Variants in TARP observed in about 807,000 individuals in gnomAD.
chr7:38,271,066 C>A, the TARP span, among the ~76,000 whole-genome samples: 1 of 150,370 alleles, frequency 6.7e-6, no homozygotes, highest in East Asian at 1.9e-4. Context: ...GGCCTTTTTC[C>A]TTCTCCTTTC....
chr7:38,268,894 C>T, the TARP span, among the ~76,000 whole-genome samples: 1 of 150,948 alleles, frequency 6.6e-6, no homozygotes, highest in South Asian at 2.1e-4. Flanking sequence ...ACATGTGAAT[C>T]CAGAAAACAT....
At chr7:38,261,106 A>C in the TARP span, among the ~76,000 whole-genome samples, 1 of 151,748 alleles carries the variant, frequency 6.6e-6, no homozygotes, top group Non-Finnish European at 1.5e-5. Flanking sequence ...TGTTGCTCAC[A>C]AAATGTAGGT....
At chr7:38,267,740 AT>A in the TARP span, among the ~76,000 whole-genome samples, 1 of 151,114 alleles carries the variant, frequency 6.6e-6, no homozygotes, top group African/African-American at 2.4e-5. Flanking sequence ...ATGTTATAAA[AT>A]ATGAGTAATT....
the TARP span, among the ~76,000 whole-genome samples, chr7:38,270,887 G>T: frequency 1.3e-4 from 19 of 150,880 alleles, no homozygotes; most frequent in African/African-American, 3.9e-4. Flanking sequence ...TCCTTCTAAA[G>T]GACTCATGCA....
the TARP span, among the ~76,000 whole-genome samples, chr7:38,264,488 G>T: frequency 8.6e-5 from 13 of 151,436 alleles, no homozygotes; most frequent in Non-Finnish European, 1.2e-4. Flanking sequence ...CCTGTCGGGA[G>T]GCTGAAGTAA....
At chr7:38,265,652 G>A in the TARP span, 2 of 1,605,350 alleles carry the variant, frequency 1.2e-6, no homozygotes, top group Non-Finnish European at 1.7e-6. Context: ...GTGGGCTTGG[G>A]GGAAACATCT....
the TARP span, among the ~76,000 whole-genome samples, chr7:38,272,649 C>T: frequency 1.3e-5 from 2 of 148,398 alleles, no homozygotes; most frequent in African/African-American, 5.0e-5. Flanking sequence ...CTATAATGAA[C>T]CAGCATTTTT....
the TARP span, among the ~76,000 whole-genome samples, chr7:38,269,029 G>A: frequency 1.3e-5 from 2 of 151,630 alleles, no homozygotes; most frequent in Non-Finnish European, 2.9e-5. Context: ...GAAAACTGAG[G>A]CCAGAGAATA....
At chr7:38,263,927 G>A in the TARP span, among the ~76,000 whole-genome samples, 1 of 151,826 alleles carries the variant, frequency 6.6e-6, no homozygotes, top group South Asian at 2.1e-4. Flanking sequence ...ACTTTAATGG[G>A]TTTTCAATGT....
the TARP span, among the ~76,000 whole-genome samples, chr7:38,271,125 G>C: frequency 6.6e-6 from 1 of 151,150 alleles, no homozygotes; most frequent in East Asian, 1.9e-4. Context: ...GACTGTGCTT[G>C]TATATTTTAA....
the TARP span, among the ~76,000 whole-genome samples, chr7:38,270,819 A>G: frequency 8.0e-4 from 121 of 150,934 alleles, no homozygotes; most frequent in Non-Finnish European, 1.3e-3. Flanking sequence ...TGGGTTTTTC[A>G]TGACCATTCC....
At chr7:38,266,808 T>C in the TARP span, among the ~76,000 whole-genome samples, 2 of 151,922 alleles carry the variant, frequency 1.3e-5, no homozygotes, top group Non-Finnish European at 2.9e-5. Flanking sequence ...TTTACAGCTG[T>C]ACCTCCAGAT....
the TARP span, chr7:38,262,218 T>C: frequency 6.2e-7 from 1 of 1,609,990 alleles, no homozygotes; most frequent in Non-Finnish European, 8.5e-7. Context: ...TGTGATGACA[T>C]CTAGAAGAAT....
the TARP span, among the ~76,000 whole-genome samples, chr7:38,262,898 A>G: frequency 1.3e-5 from 2 of 151,440 alleles, no homozygotes; most frequent in Non-Finnish European, 2.9e-5. Context: ...GACTCAAGCA[A>G]TCTTCCTGCC....
chr7:38,262,139 A>G, the TARP span: 5 of 1,592,486 alleles, frequency 3.1e-6, no homozygotes, highest in South Asian at 1.1e-5. Flanking sequence ...AAACAAAATG[A>G]TCAGGAGGAA....
At chr7:38,269,840 C>T in the TARP span, among the ~76,000 whole-genome samples, 2 of 152,002 alleles carry the variant, frequency 1.3e-5, no homozygotes, top group Admixed American at 1.3e-4. Flanking sequence ...TGGTTTGTGC[C>T]TATAATTCCA....
At chr7:38,272,472 G>C in the TARP span, among the ~76,000 whole-genome samples, 1 of 141,012 alleles carries the variant, frequency 7.1e-6, no homozygotes, top group East Asian at 2.0e-4. Flanking sequence ...AGTGTGAAGT[G>C]AAAAAGCCAG....
At chr7:38,264,108 T>C in the TARP span, among the ~76,000 whole-genome samples, 1 of 151,968 alleles carries the variant, frequency 6.6e-6, no homozygotes, top group Non-Finnish European at 1.5e-5. Flanking sequence ...TGGTTGCAAG[T>C]GTGGACCAGA....
chr7:38,260,546 T>C, the TARP span, among the ~76,000 whole-genome samples: 1 of 150,794 alleles, frequency 6.6e-6, no homozygotes, highest in South Asian at 2.1e-4. Flanking sequence ...CACACTCACC[T>C]GTCTTTCCTA....
Sources: allele counts gnomAD v4.1 joint callset (sites outside exome capture counted in the v4.1 genomes callset), GRCh38; gene constraint gnomAD v4.1.1; transcripts MANE v1.5.